The following PACRG variants were observed in gnomAD, a reference collection of about 807,000 sequenced individuals.
The protein encoded by PACRG is parkin coregulated.
A neutral mutation model predicts 29.7 loss-of-function variants in PACRG; 29 were observed. That is an observed-to-expected ratio of 0.98 (90% CI 0.73 to 1.33). The LOEUF (loss-of-function observed/expected upper bound fraction) is 1.33, where lower values mean the gene tolerates loss of function less well. Ranked by LOEUF, PACRG falls within the 40% of genes most tolerant of loss-of-function variation. The pLI, the probability that PACRG is intolerant of heterozygous loss-of-function variation, is 0.00. For missense variants in PACRG, 279 were observed against 316.2 expected (o/e 0.88, Z 0.89); for synonymous variants, 116 against 118.7 (o/e 0.98, Z 0.15).
intron 2 of PACRG, among the ~76,000 whole-genome samples, chr6:162,927,276 A>G (rs1797514333): frequency 6.6e-6 from 1 of 152,168 alleles, no homozygotes; most frequent in African/African-American, 2.4e-5. Context: ...CAGAAGTATC[A>G]TTTGACCCAG....
At chr6:163,202,528 A>G (rs1347679754) in intron 4 of PACRG, among the ~76,000 whole-genome samples, 1 of 152,148 alleles carries the variant, frequency 6.6e-6, no homozygotes, top group African/African-American at 2.4e-5. Context: ...ACATTCTGCC[A>G]GCAGTAATAG....
chr6:162,856,411 G>A (rs1791402429), intron 2 of PACRG, among the ~76,000 whole-genome samples: 1 of 152,098 alleles, frequency 6.6e-6, no homozygotes, highest in Non-Finnish European at 1.5e-5. Context: ...ATTGTTATCG[G>A]GTACTTTAAT....
chr6:162,849,088 A>G (rs1202591154), intron 2 of PACRG, among the ~76,000 whole-genome samples: 1 of 152,214 alleles, frequency 6.6e-6, no homozygotes, highest in African/African-American at 2.4e-5. Context: ...GGTTTCAGGC[A>G]AGAGAAACAG....
At chr6:163,032,734 C>T (rs1807786282) in intron 2 of PACRG, among the ~76,000 whole-genome samples, 1 of 152,188 alleles carries the variant, frequency 6.6e-6, no homozygotes, top group African/African-American at 2.4e-5. Flanking sequence ...CCAAATGTCA[C>T]TGTTGCATTA....
intron 2 of PACRG, among the ~76,000 whole-genome samples, chr6:162,871,978 A>T (rs1792860915): frequency 6.6e-6 from 1 of 152,222 alleles, no homozygotes; most frequent in South Asian, 2.1e-4. Flanking sequence ...CTTTCTCAAT[A>T]GAATATTTTA....
chr6:163,109,549 A>G (rs115831900), intron 4 of PACRG, among the ~76,000 whole-genome samples: 198 of 152,310 alleles, frequency 1.3e-3, no homozygotes, highest in African/African-American at 4.5e-3. Context: ...TTCTATCTTT[A>G]TAATCTCTTA....
intron 2 of PACRG, among the ~76,000 whole-genome samples, chr6:162,830,466 T>G (rs919496258): frequency 7.2e-5 from 11 of 152,226 alleles, no homozygotes; most frequent in Non-Finnish European, 1.5e-4. Flanking sequence ...CAACTTCCCC[T>G]CTTCAGGGCT....
chr6:163,231,176 G>C (rs1168692287), intron 4 of PACRG, among the ~76,000 whole-genome samples: 2 of 152,228 alleles, frequency 1.3e-5, no homozygotes, highest in Non-Finnish European at 2.9e-5. Flanking sequence ...GCCGTGGCTT[G>C]CTGGCTGGGG....
chr6:162,993,363 T>C (rs1210814889), intron 2 of PACRG, among the ~76,000 whole-genome samples: 2 of 74,596 alleles, frequency 2.7e-5, no homozygotes, highest in Non-Finnish European at 4.9e-5. Context: ...CCATTATTAA[T>C]GTGTGGGAGT....
chr6:162,752,383 TG>T (rs1156434553), intron 1 of PACRG, among the ~76,000 whole-genome samples: 1 of 152,056 alleles, frequency 6.6e-6, no homozygotes, highest in Non-Finnish European at 1.5e-5. Flanking sequence ...AGGCAAGAGT[TG>T]GGGGAGTTAG....
chr6:162,860,508 A>G (rs890752964), intron 2 of PACRG, among the ~76,000 whole-genome samples: 1 of 152,192 alleles, frequency 6.6e-6, no homozygotes, highest in African/African-American at 2.4e-5. Flanking sequence ...TCTTGTTTCT[A>G]TTTAGCAAGT....
intron 3 of PACRG, among the ~76,000 whole-genome samples, chr6:163,075,082 T>C (rs948292185): frequency 1.3e-5 from 2 of 152,164 alleles, no homozygotes; most frequent in Admixed American, 1.3e-4. Context: ...ACACAAATCC[T>C]ACAGACATTG....
chr6:163,117,927 A>G (rs1816088428), intron 4 of PACRG, among the ~76,000 whole-genome samples: 1 of 152,186 alleles, frequency 6.6e-6, no homozygotes, highest in Admixed American at 6.5e-5. Context: ...AGAATTGACA[A>G]CATGGCTGTT....
At chr6:163,203,036 C>A (rs992535805) in intron 4 of PACRG, among the ~76,000 whole-genome samples, 10 of 152,130 alleles carry the variant, frequency 6.6e-5, no homozygotes, top group African/African-American at 1.9e-4. Context: ...AGCTGCTAGT[C>A]AGGGAATAGG....
chr6:163,080,238 T>A (rs2128290453), intron 3 of PACRG, among the ~76,000 whole-genome samples: 1 of 152,258 alleles, frequency 6.6e-6, no homozygotes, highest in East Asian at 1.9e-4. Flanking sequence ...TGCAGCATTC[T>A]CTTGGTTTTT....
intron 1 of PACRG, among the ~76,000 whole-genome samples, chr6:162,763,922 C>T (rs1304610325): frequency 1.3e-5 from 2 of 152,134 alleles, no homozygotes; most frequent in Non-Finnish European, 2.9e-5. Flanking sequence ...CGACTATCTT[C>T]TTGAAGTGAA....
At chr6:162,986,898 C>A (rs561239426) in intron 2 of PACRG, among the ~76,000 whole-genome samples, 2 of 151,608 alleles carry the variant, frequency 1.3e-5, no homozygotes, top group African/African-American at 4.8e-5. Flanking sequence ...ATATCTGTTT[C>A]CCTGGATAAT....
rs530859600 is a variant in PACRG at position 163,151,724 on chromosome 6, A to G, written c.613+62316A>G. ...AAAATCATGAATAAAAGTTGAGTTT[A>G]CCCGCTAAAAAGTATCCTTTGATCC... On this transcript the variant is annotated intron_variant, in intron 4 of 4. Coordinates refer to ENST00000366888, the MANE Select transcript of PACRG (RefSeq NM_001080379.2). Among the ~76,000 whole-genome samples the G allele has an allele frequency of 7.9e-5, 12 of 152,346 alleles. No individual in the cohort carries two copies. In the South Asian group the frequency reaches 2.1e-3, roughly 26 times the overall value.
intron 4 of PACRG, among the ~76,000 whole-genome samples, chr6:163,150,785 A>C (rs1216729276): frequency 6.6e-6 from 1 of 152,238 alleles, no homozygotes; most frequent in East Asian, 1.9e-4. Context: ...GAGGGTCACT[A>C]GACCACTGAA....
Sources: allele counts gnomAD v4.1 joint callset (sites outside exome capture counted in the v4.1 genomes callset), GRCh38; gene constraint gnomAD v4.1.1; transcripts MANE v1.5; gene names NCBI Gene and HGNC (gene_info 2026-07-23, HGNC 2026-07-21).